The following DYNC2LI1 variants were observed in gnomAD, a reference collection of about 807,000 sequenced individuals.
DYNC2LI1 encodes the protein cytoplasmic dynein 2 light intermediate chain 1.
A neutral mutation model predicts 51.9 loss-of-function variants in DYNC2LI1; 45 were observed. That is an observed-to-expected ratio of 0.87 (90% CI 0.68 to 1.11). The LOEUF is 1.11. DYNC2LI1 is among the 50% of genes most tolerant of loss of function. DYNC2LI1 has a pLI of 0.00. For synonymous variants in DYNC2LI1, 130 were observed against 137.8 expected (o/e 0.94, Z 0.40); for missense variants, 490 against 417.4 (o/e 1.17, Z -1.51).
At chr2:43,817,483 T>A in the DYNC2LI1 span, among the ~76,000 whole-genome samples, 1 of 151,614 alleles carries the variant, frequency 6.6e-6, no homozygotes, top group African/African-American at 2.4e-5. Context: ...AGTGAGACTC[T>A]GCGTCAAGAA....
At chr2:43,794,741 G>A in intron 6 of DYNC2LI1, 98 bp downstream of exon 6, 1 of 1,596,390 alleles carries the variant, frequency 6.3e-7, no homozygotes, top group African/African-American at 1.3e-5. Context: ...TGCATGACTT[G>A]AAATTCATTT....
chr2:43,817,356 G>A, the DYNC2LI1 span, among the ~76,000 whole-genome samples: 9 of 151,970 alleles, frequency 5.9e-5, no homozygotes, highest in African/African-American at 1.2e-4. Flanking sequence ...GTGGTGGTGC[G>A]CACCTGTAAT....
the DYNC2LI1 span, among the ~76,000 whole-genome samples, chr2:43,817,736 C>T: frequency 6.6e-6 from 1 of 152,012 alleles, no homozygotes; most frequent in African/African-American, 2.4e-5. Flanking sequence ...ATGGTGAAAC[C>T]ACGTCTCTAC....
At chr2:43,810,633 G>T, downstream of DYNC2LI1, 1 of 536,928 alleles carries the variant, frequency 1.9e-6, no homozygotes, top group Non-Finnish European at 2.4e-6. Flanking sequence ...TACCCCAAGG[G>T]AGTACTGTCT....
At chr2:43,822,477 G>GCCCCC in the DYNC2LI1 span, 43 of 349,944 alleles carry the variant, frequency 1.2e-4, no homozygotes, top group African/African-American at 1.2e-3. Flanking sequence ...CCCTCCCCCA[G>GCCCCC]GCCCCCCCCC....
intron 6 of DYNC2LI1, 93 bp from the exon 7 acceptor site, chr2:43,795,797 C>A: frequency 1.1e-6 from 1 of 949,590 alleles, no homozygotes; most frequent in South Asian, 1.4e-5. Flanking sequence ...TATGAAGAGA[C>A]TGAAAATGGA....
Position 43,775,480 on chromosome 2 carries a change from T to TTTTC in DYNC2LI1, c.9-1290_9-1287dup, listed in dbSNP as rs542202507. Among the ~76,000 whole-genome samples, 951 of 148,968 alleles carry TTTTC rather than the reference T, an allele frequency of 6.4e-3. 11 individuals carry two copies. Among genetic ancestry groups the TTTTC allele is most frequent in the African/African-American group, 0.022 (888 of 40,580 alleles). The stretch of plus-strand genomic sequence containing the variant: ...AAATGTTTGTGGTTTTAGGGTTTTT[T>TTTTC]TTTCTTTCTTTCTTTATGGTTTTTT... On this transcript the variant is annotated intron_variant, in intron 1 of 12. Coordinates refer to ENST00000260605, the MANE Select transcript of DYNC2LI1 (RefSeq NM_016008.4).
chr2:43,802,466 T>A (rs1666107841), intron 10 of DYNC2LI1, among the ~76,000 whole-genome samples: 1 of 151,900 alleles, frequency 6.6e-6, no homozygotes, highest in Non-Finnish European at 1.5e-5. Context: ...GTAATGAGAT[T>A]ATAGATTAAT....
downstream of DYNC2LI1, among the ~76,000 whole-genome samples, chr2:43,813,719 T>G (rs1208209238): frequency 2.1e-4 from 26 of 125,876 alleles, no homozygotes; most frequent in African/African-American, 7.3e-4. Context: ...GTTTTTTTTT[T>G]TTTTTTTTTT....
chr2:43,781,984 C>G (rs1673308195), intron 2 of DYNC2LI1, among the ~76,000 whole-genome samples: 1 of 147,158 alleles, frequency 6.8e-6, no homozygotes, highest in Non-Finnish European at 1.5e-5. Context: ...GTGATGTCCC[C>G]CTACATTTGT....
the DYNC2LI1 span, chr2:43,822,443 G>GT: frequency 3.4e-6 from 3 of 885,616 alleles, no homozygotes; most frequent in Non-Finnish European, 2.7e-6. Context: ...CTGTTTTAAG[G>GT]TTTTACATTC....
intron 2 of DYNC2LI1, among the ~76,000 whole-genome samples, chr2:43,778,726 G>A (rs917772871): frequency 2.6e-5 from 4 of 152,064 alleles, no homozygotes; most frequent in African/African-American, 9.7e-5. Flanking sequence ...ACCCCTACCA[G>A]TATCCTCTTA....
intron 8 of DYNC2LI1, among the ~76,000 whole-genome samples, chr2:43,797,245 G>C (rs1665897676): frequency 1.3e-5 from 2 of 152,276 alleles, no homozygotes; most frequent in African/African-American, 2.4e-5. Flanking sequence ...TCGAATCTCA[G>C]AGTGACCATT....
At chr2:43,783,679 C>A in intron 3 of DYNC2LI1, 125 bp downstream of exon 3, 1 of 598,946 alleles carries the variant, frequency 1.7e-6, no homozygotes, top group Non-Finnish European at 2.8e-6. Context: ...TAATTCTTAG[C>A]AAATCCTTAG....
chr2:43,799,076 G>T (rs1235057121), intron 8 of DYNC2LI1, among the ~76,000 whole-genome samples: 1 of 152,198 alleles, frequency 6.6e-6, no homozygotes, highest in Non-Finnish European at 1.5e-5. Context: ...GAGGTGGGAA[G>T]ATCAGTTGAG....
the DYNC2LI1 span, chr2:43,822,410 C>T: frequency 1.6e-6 from 1 of 634,208 alleles, no homozygotes; most frequent in African/African-American, 2.0e-5. Context: ...GGTTGCTGTC[C>T]TCTTCCCACC....
chr2:43,803,703 A>C (rs1666146592), intron 10 of DYNC2LI1, among the ~76,000 whole-genome samples: 2 of 152,248 alleles, frequency 1.3e-5, no homozygotes, highest in Non-Finnish European at 2.9e-5. Flanking sequence ...ACAAAGGAAT[A>C]CAAGTAAAAC....
chr2:43,824,990 A>T, the DYNC2LI1 span: 141 of 1,613,886 alleles, frequency 8.7e-5, 5 homozygotes, highest in South Asian at 1.5e-3. Context: ...CAGCTCTCCG[A>T]AGCTCAGGAT....
chr2:43,804,001 T>C (rs1376666768), intron 10 of DYNC2LI1, among the ~76,000 whole-genome samples: 3 of 152,054 alleles, frequency 2.0e-5, no homozygotes, highest in Non-Finnish European at 4.4e-5. Flanking sequence ...TTTACACACA[T>C]GTGTATATAG....
Sources: allele counts gnomAD v4.1 joint callset (sites outside exome capture counted in the v4.1 genomes callset), GRCh38; gene constraint gnomAD v4.1.1; transcripts MANE v1.5; gene names NCBI Gene and HGNC (gene_info 2026-07-23, HGNC 2026-07-21).